The following ZNF324B variants were observed in gnomAD, a reference collection of about 807,000 sequenced individuals.
ZNF324B encodes zinc finger protein 324B.
ZNF324B carries 7 observed loss-of-function variants against 10.6 expected under a neutral mutation model. The observed-to-expected ratio is 0.66, with a 90% CI of 0.38 to 1.24. The LOEUF (loss-of-function observed/expected upper bound fraction) is 1.24, where lower values mean the gene tolerates loss of function less well. ZNF324B is among the 50% of genes most tolerant of loss of function. The pLI is 0.02. For missense variants in ZNF324B, 640 were observed against 764.7 expected (o/e 0.84, Z 1.92); for synonymous variants, 316 against 321.0 (o/e 0.98, Z 0.17).
chr19:58,450,176 T>C (rs776739310), upstream of ZNF324B, among the ~76,000 whole-genome samples: 9 of 152,176 alleles, frequency 5.9e-5, no homozygotes, highest in Non-Finnish European at 1.3e-4. Flanking sequence ...CCTGCTGCCA[T>C]GTAAGACGTG....
At chr19:58,424,280 C>T in the ZNF324B span, among the ~76,000 whole-genome samples, 1 of 151,862 alleles carries the variant, frequency 6.6e-6, no homozygotes, top group African/African-American at 2.4e-5. Context: ...ACAACAACAA[C>T]AACAACAAAG....
chr19:58,439,152 A>G, the ZNF324B span, among the ~76,000 whole-genome samples: 1 of 152,154 alleles, frequency 6.6e-6, no homozygotes, highest in Non-Finnish European at 1.5e-5. Context: ...CAGATTCAGA[A>G]GCCAACCATC....
chr19:58,427,496 TTC>T, the ZNF324B span, among the ~76,000 whole-genome samples: 24 of 100,056 alleles, frequency 2.4e-4, no homozygotes, highest in East Asian at 6.4e-3. Flanking sequence ...CTTCCTTCCT[TTC>T]TTTCTTTTTC....
the ZNF324B span, among the ~76,000 whole-genome samples, chr19:58,427,358 CTTTCTTTCTTTCTTT>C: frequency 7.3e-5 from 4 of 55,158 alleles, no homozygotes; most frequent in African/African-American, 1.7e-4. Context: ...TCCTTTCTTT[CTTTCTTTCTTTCTTT>C]CTTTCTTTCT....
chr19:58,441,409 A>C, the ZNF324B span: 1 of 152,298 alleles, frequency 6.6e-6, no homozygotes, highest in South Asian at 2.1e-4. Context: ...AAGTGATCAG[A>C]TTCCCAGTGG....
chr19:58,457,757 C>A lies in ZNF324B; in HGVS notation c.*1178C>A, dbSNP rs2052936471. On this transcript the variant is annotated 3_prime_UTR_variant, in exon 4 of 4. Coordinates refer to ENST00000336614, the MANE Select transcript of ZNF324B (RefSeq NM_207395.3). ...CCATCCTTACCTGAGACCTCACCTC[C>A]AAGAAATTAATGGTCTTTTCAATGG... The A allele has an allele frequency of 6.6e-6, 1 of 151,952 alleles. No homozygotes were observed. The highest frequency in any genetic ancestry group is 1.5e-5 in the Non-Finnish European group (1 of 67,986). 9.4% of individuals were successfully genotyped at this position (151,952 alleles called of 1,614,324 possible). A position where few individuals can be genotyped will look rare whatever the true frequency, so the allele number is the denominator to read the frequency against.
At chr19:58,436,818 C>T in the ZNF324B span, 1 of 667,988 alleles carries the variant, frequency 1.5e-6, no homozygotes, top group South Asian at 1.5e-5. Flanking sequence ...GATCCCCAAC[C>T]TTTGCCTCCA....
the ZNF324B span, chr19:58,419,362 C>A: frequency 2.6e-5 from 4 of 152,028 alleles, no homozygotes; most frequent in Non-Finnish European, 4.4e-5. Context: ...CCTATAGGGG[C>A]CTGTTGGGTA....
the ZNF324B span, chr19:58,440,067 C>T: frequency 3.8e-6 from 2 of 523,082 alleles, no homozygotes; most frequent in Non-Finnish European, 6.7e-6. Flanking sequence ...GGCGCGGTGA[C>T]GGTCCCTGCA....
chr19:58,432,588 A>G, the ZNF324B span, among the ~76,000 whole-genome samples: 1 of 152,164 alleles, frequency 6.6e-6, no homozygotes, highest in Non-Finnish European at 1.5e-5. Context: ...TCCTCTGGGT[A>G]AGCTCTGGGC....
chr19:58,440,189 C>T, the ZNF324B span: 1 of 312,572 alleles, frequency 3.2e-6, no homozygotes, highest in South Asian at 3.3e-5. Flanking sequence ...AATGACAGCT[C>T]GGACTTGCCA....
the ZNF324B span, chr19:58,433,353 G>T: frequency 2.5e-6 from 4 of 1,614,166 alleles, no homozygotes; most frequent in Non-Finnish European, 2.5e-6. Context: ...GCTGTGCAAG[G>T]TTACAAAGAT....
the ZNF324B span, among the ~76,000 whole-genome samples, chr19:58,422,303 C>T: frequency 1.3e-5 from 2 of 152,164 alleles, no homozygotes; most frequent in African/African-American, 4.8e-5. Flanking sequence ...AGACCCACAG[C>T]TAACATCTTA....
In ZNF324B at chr19:58,457,020, T is replaced by G; in HGVS notation, c.*441T>G. 1 of 189,566 alleles carries G rather than the reference T, an allele frequency of 5.3e-6. No homozygotes were observed. 11.7% of individuals were successfully genotyped at this position (189,566 alleles called of 1,614,324 possible). On this transcript the variant is annotated 3_prime_UTR_variant, in exon 4 of 4. Transcript: ENST00000336614. ...CCGCTAGACGGACGCTGAGGACATT[T>G]TCCCCCTGAGGCCTCTATTCAAGGC...
chr19:58,433,063 T>A, the ZNF324B span: 1 of 392,002 alleles, frequency 2.6e-6, no homozygotes, highest in African/African-American at 2.3e-5. Context: ...CAGGGTACTG[T>A]TTTCCCCATG....
the ZNF324B span, chr19:58,434,779 T>C: frequency 6.2e-7 from 1 of 1,614,072 alleles, no homozygotes; most frequent in Non-Finnish European, 8.5e-7. Context: ...CTGCCCAAGA[T>C]TGGAATATGG....
chr19:58,442,667 G>C, the ZNF324B span: 2 of 152,584 alleles, frequency 1.3e-5, no homozygotes, highest in Middle Eastern at 3.4e-3. Flanking sequence ...TGGGTTCGTG[G>C]TCTCGCTGAC....
the ZNF324B span, among the ~76,000 whole-genome samples, chr19:58,427,335 CTT>C: frequency 5.0e-4 from 48 of 96,808 alleles, no homozygotes; most frequent in East Asian, 9.6e-4. Context: ...TTCTTTCTTT[CTT>C]TCTTTCTCTT....
chr19:58,421,349 T>G, the ZNF324B span, among the ~76,000 whole-genome samples: 21 of 152,180 alleles, frequency 1.4e-4, no homozygotes, highest in Non-Finnish European at 1.5e-5. Context: ...TTGCTGCCTA[T>G]AGAAATCTCA....
Sources: allele counts gnomAD v4.1 joint callset (sites outside exome capture counted in the v4.1 genomes callset), GRCh38; gene constraint gnomAD v4.1.1; transcripts MANE v1.5; gene names NCBI Gene and HGNC (gene_info 2026-07-23, HGNC 2026-07-21).